The following IQGAP2 variants were observed in gnomAD, a reference collection of about 807,000 sequenced individuals.
IQGAP2 encodes the protein IQ motif containing GTPase activating protein 2, also known as ras GTPase-activating-like protein IQGAP2.
A neutral mutation model predicts 201.3 loss-of-function variants in IQGAP2; 173 were observed. The observed-to-expected ratio is 0.86, with a 90% CI of 0.76 to 0.98. The LOEUF (loss-of-function observed/expected upper bound fraction) is 0.98. Ranked by LOEUF, IQGAP2 falls within the 50% of genes least tolerant of loss-of-function variation. The pLI, the probability that IQGAP2 is intolerant of heterozygous loss-of-function variation, is 0.00. For synonymous variants in IQGAP2, 675 were observed against 673.9 expected (o/e 1.00, Z -0.03); for missense variants, 1,687 against 1,864.8 (o/e 0.90, Z 1.76).
chr5:76,692,637 C>T (rs1002849335), intron 30 of IQGAP2, among the ~76,000 whole-genome samples: 5 of 152,190 alleles, frequency 3.3e-5, no homozygotes, highest in African/African-American at 7.2e-5. Context: ...CTACGGTTTT[C>T]GTACTTCCAG....
At position 76,569,772 on chromosome 5, in the gene IQGAP2, T is replaced by C. The variant is rs187772942; in HGVS notation, c.304-808T>C. ...TAAAAATTACAATAAATAGATAACA[T>C]GGTGCTATGCATTTAATTAGTGAAA... On this transcript the variant is annotated intron_variant, in intron 3 of 35. Transcript: ENST00000274364. Among the ~76,000 whole-genome samples, 779 of 152,312 alleles carry C rather than the reference T, an allele frequency of 5.1e-3. 6 individuals carry two copies. The highest frequency in any genetic ancestry group is 0.017 in the African/African-American group (712 of 41,574).
intron 13 of IQGAP2, among the ~76,000 whole-genome samples, chr5:76,620,127 T>C (rs1749492702): frequency 6.6e-6 from 1 of 152,220 alleles, no homozygotes; most frequent in Admixed American, 6.5e-5. Flanking sequence ...ACTCAGTTTG[T>C]AATGATTTGA....
intron 9 of IQGAP2, among the ~76,000 whole-genome samples, chr5:76,596,513 A>T (rs1747044813): frequency 6.6e-6 from 1 of 152,226 alleles, no homozygotes; most frequent in Non-Finnish European, 1.5e-5. Flanking sequence ...CACAGAGTGT[A>T]TTAGTCCATT....
intron 7 of IQGAP2, 98 bp from the exon 8 acceptor site, chr5:76,590,310 G>A: frequency 1.1e-6 from 1 of 941,768 alleles, no homozygotes; most frequent in Non-Finnish European, 1.6e-6. Context: ...AGCCAAGAAA[G>A]AAAGTAAAAC....
intron 15 of IQGAP2, among the ~76,000 whole-genome samples, chr5:76,635,396 C>T (rs1284181734): frequency 1.3e-5 from 2 of 152,200 alleles, no homozygotes; most frequent in Non-Finnish European, 1.5e-5. Context: ...TTTTAACCAA[C>T]TAACAAATTT....
chr5:76,674,154 C>A, intron 26 of IQGAP2, 118 bp downstream of exon 26: 1 of 656,612 alleles, frequency 1.5e-6, no homozygotes, highest in Non-Finnish European at 2.7e-6. Context: ...AGCTGCAGGT[C>A]TTCTGTTTCT....
At chr5:76,653,621 A>C (rs1752683812) in intron 18 of IQGAP2, among the ~76,000 whole-genome samples, 1 of 152,152 alleles carries the variant, frequency 6.6e-6, no homozygotes, top group African/African-American at 2.4e-5. Flanking sequence ...AATAAAAACA[A>C]ATTTAAAAAA....
intron 33 of IQGAP2, among the ~76,000 whole-genome samples, chr5:76,700,303 G>A (rs1747251118): frequency 1.3e-5 from 2 of 152,144 alleles, no homozygotes; most frequent in African/African-American, 4.8e-5. Context: ...AAGAGTACCA[G>A]CCTCACCAGC....
chr5:76,576,051 C>A (rs563590109), intron 5 of IQGAP2, among the ~76,000 whole-genome samples: 14 of 152,252 alleles, frequency 9.2e-5, no homozygotes, highest in Non-Finnish European at 1.6e-4. Context: ...TAGGTTGAAA[C>A]TTCTAGAAAT....
intron 1 of IQGAP2, among the ~76,000 whole-genome samples, chr5:76,429,053 C>T (rs370660689): frequency 3.0e-4 from 40 of 134,814 alleles, no homozygotes; most frequent in African/African-American, 9.1e-4. Context: ...TACTAGAGCC[C>T]GAGTGACAGC....
In IQGAP2 at chr5:76,597,955, A is replaced by G. The variant is rs1009815066; in HGVS notation, c.1071+353A>G. On this transcript the variant is annotated intron_variant, in intron 10 of 35. Transcript: ENST00000274364. ...AATATATAATGTTTTTATGTAGAAA[A>G]TAAGCTCAATCTGCAATTTTAGAAA... Among the ~76,000 whole-genome samples the G allele has an allele frequency of 4.6e-5, 7 of 152,218 alleles. No homozygotes were observed. The South Asian group carries it at 1.0e-3, about 23-fold the overall frequency.
In IQGAP2 at chr5:76,589,735, C is replaced by G; in HGVS notation, c.640+7C>G. 2.6e-6 allele frequency: 4 copies of G among 1,541,730 alleles called. No homozygotes were observed. Among genetic ancestry groups the G allele is most frequent in the Non-Finnish European group, 3.5e-6 (4 of 1,133,810 alleles). On this transcript the variant is annotated splice_region_variant and intron_variant, in intron 7 of 35. Coordinates refer to ENST00000274364, the MANE Select transcript of IQGAP2 (RefSeq NM_006633.5). ...TCCGTGGATGAAGCTGCATGTAAGT[C>G]CATTCAAAATCCAAACTTGCCATGG...
intron 2 of IQGAP2, among the ~76,000 whole-genome samples, chr5:76,485,910 T>C (rs1326721067): frequency 6.6e-6 from 1 of 152,230 alleles, no homozygotes; most frequent in Non-Finnish European, 1.5e-5. Context: ...TTAATTTTAT[T>C]TTTTTCCACA....
At chr5:76,553,654 C>T (rs1284551808) in intron 2 of IQGAP2, among the ~76,000 whole-genome samples, 2 of 151,976 alleles carry the variant, frequency 1.3e-5, no homozygotes, top group African/African-American at 4.8e-5. Flanking sequence ...TTCTTCTTGC[C>T]CTAAAATTTG....
chr5:76,622,482 G>C (rs1309085811), intron 13 of IQGAP2, among the ~76,000 whole-genome samples: 1 of 152,156 alleles, frequency 6.6e-6, no homozygotes, highest in Non-Finnish European at 1.5e-5. Flanking sequence ...ATGTTGACTG[G>C]AGTGTGTGAC....
At chr5:76,701,262 T>G in intron 34 of IQGAP2, 49 bp downstream of exon 34, 1 of 1,591,008 alleles carries the variant, frequency 6.3e-7, no homozygotes, top group Non-Finnish European at 8.6e-7. Context: ...ATTTGATTTC[T>G]TGTGGCCTTG....
Position 76,589,702 on chromosome 5 carries a change from A to G in IQGAP2, c.614A>G (p.Asn205Ser), listed in dbSNP as rs1306754472. ...AGCAAAATAGGTGGTATTCTGGCCAATGAACTGTCCGTGGATGAAGCTGCA... is the reference window on the plus strand; with the variant it reads ...AGCAAAATAGGTGGTATTCTGGCCAGTGAACTGTCCGTGGATGAAGCTGCA... ...SFSKIGGILA[N>S]ELSVDEAALH... The change falls in exon 7 of 36, where the codon AAT (asparagine) becomes AGT (serine). Residue 205 changes from asparagine to serine, a missense_variant. Coordinates refer to ENST00000274364, the MANE Select transcript of IQGAP2 (RefSeq NM_006633.5). 6.2e-7 allele frequency: 1 copy of G among 1,605,678 alleles called. No homozygotes were observed. The highest frequency in any genetic ancestry group is 8.5e-7 in the Non-Finnish European group (1 of 1,175,856).
Position 76,671,655 on chromosome 5 carries a change from T to C in IQGAP2, c.2844-104T>C, listed in dbSNP as rs1431198135. 1.3e-5 allele frequency: 10 copies of C among 795,014 alleles called. No individual in the cohort carries two copies. The Admixed American group carries it at 2.9e-4, about 23-fold the overall frequency. The allele number at this position is 795,014 out of a possible 1,614,324, so 49.2% of individuals were successfully genotyped here. A position where few individuals can be genotyped will look rare whatever the true frequency, so the allele number is the denominator to read the frequency against. ...GTGAACCAAGATCACACCACTGCAC[T>C]CCAGCCTGGGTGACAGAGCAAGACT... On this transcript the variant is annotated intron_variant, in intron 23 of 35. Coordinates refer to ENST00000274364, the MANE Select transcript of IQGAP2 (RefSeq NM_006633.5).
intron 1 of IQGAP2, among the ~76,000 whole-genome samples, chr5:76,446,316 G>A (rs1019685761): frequency 6.6e-6 from 1 of 151,764 alleles, no homozygotes; most frequent in Non-Finnish European, 1.5e-5. Context: ...AATACACGCA[G>A]GTTTCATTTT....
Sources: allele counts gnomAD v4.1 joint callset (sites outside exome capture counted in the v4.1 genomes callset), GRCh38; gene constraint gnomAD v4.1.1; transcripts MANE v1.5; gene names NCBI Gene and HGNC (gene_info 2026-07-23, HGNC 2026-07-21).